The following TANC2 variants were observed in gnomAD, a reference collection of about 807,000 sequenced individuals.
The protein encoded by TANC2 is protein TANC2.
TANC2 carries 26 observed loss-of-function variants against 210.5 expected under a neutral mutation model. The ratio of observed to expected loss-of-function variants is 0.12; its 90% CI spans 0.09 to 0.17. TANC2 has a LOEUF of 0.17. TANC2 is among the 10% of genes least tolerant of loss of function. The pLI is 1.00. For synonymous variants in TANC2, 931 were observed against 967.1 expected (o/e 0.96, Z 0.69); for missense variants, 2,129 against 2,608.9 (o/e 0.82, Z 4.01).
At chr17:63,017,193 C>G (rs73339689) in intron 2 of TANC2, among the ~76,000 whole-genome samples, 3,211 of 152,198 alleles carry the variant, frequency 0.021, 105 homozygotes, top group African/African-American at 0.072. Flanking sequence ...ACTATTCTTT[C>G]TCTACTGAAT....
At chr17:63,078,176 G>A (rs1287306967) in intron 3 of TANC2, among the ~76,000 whole-genome samples, 1 of 152,082 alleles carries the variant, frequency 6.6e-6, no homozygotes, top group Non-Finnish European at 1.5e-5. Context: ...TTTTAAATGT[G>A]AATTCAAGTT....
At chr17:63,102,317 A>C (rs2037655264) in intron 4 of TANC2, among the ~76,000 whole-genome samples, 1 of 151,976 alleles carries the variant, frequency 6.6e-6, no homozygotes, top group African/African-American at 2.4e-5. Flanking sequence ...CTGCCACTAA[A>C]AAAAATAAAA....
intron 5 of TANC2, among the ~76,000 whole-genome samples, chr17:63,162,439 T>C (rs576566084): frequency 4.8e-4 from 73 of 152,254 alleles, no homozygotes; most frequent in African/African-American, 1.7e-3. Context: ...TAGGAGACTA[T>C]GAGACAAGCA....
intron 3 of TANC2, among the ~76,000 whole-genome samples, chr17:63,092,002 G>A (rs1224957638): frequency 6.6e-6 from 1 of 151,750 alleles, no homozygotes; most frequent in Non-Finnish European, 1.5e-5. Context: ...CTCATGATTT[G>A]GCTCTCTGTT....
rs1285444889 is a variant in TANC2, at chr17:63,325,195, G to A, written c.1575+6105G>A. Among the ~76,000 whole-genome samples, 4 of 152,142 alleles carry A rather than the reference G, an allele frequency of 2.6e-5. No homozygotes were observed. In the East Asian group the frequency reaches 5.8e-4, roughly 22 times the overall value. On this transcript the variant is annotated intron_variant, in intron 11 of 27. Coordinates refer to ENST00000689528, the Ensembl canonical transcript of TANC2. ...ACCTCTAATTAAGACAACCAGAAAC[G>A]TCTCCAGAAATTGCCAAATGTTTCC...
At chr17:63,315,875 C>G (rs2045298229) in intron 10 of TANC2, among the ~76,000 whole-genome samples, 1 of 152,160 alleles carries the variant, frequency 6.6e-6, no homozygotes, top group African/African-American at 2.4e-5. Context: ...AATCAAAATA[C>G]CTCTTTACCA....
intron 9 of TANC2, among the ~76,000 whole-genome samples, chr17:63,271,273 A>G (rs1358648237): frequency 3.3e-5 from 5 of 151,934 alleles, no homozygotes; most frequent in Admixed American, 6.6e-5. Flanking sequence ...TGTGGAAAAC[A>G]CTCCCACCAA....
intron 1 of TANC2, among the ~76,000 whole-genome samples, chr17:62,976,717 A>G: frequency 6.6e-6 from 1 of 152,212 alleles, no homozygotes; most frequent in East Asian, 1.9e-4. Flanking sequence ...TGTAATAAAA[A>G]AAATTAATGT....
chr17:63,096,585 C>G (rs1415653393), intron 3 of TANC2, among the ~76,000 whole-genome samples: 1 of 152,162 alleles, frequency 6.6e-6, no homozygotes, highest in African/African-American at 2.4e-5. Context: ...GACCTTCATT[C>G]TTTTTATGGC....
chr17:63,389,478 C>A, exon 17 of TANC2: 1 of 1,613,696 alleles, frequency 6.2e-7, no homozygotes, highest in Non-Finnish European at 8.5e-7. Context: ...GCCTGACTCC[C>A]CTGGGATATG....
At chr17:62,976,084 GAGAA>G (rs2031987246) in intron 1 of TANC2, among the ~76,000 whole-genome samples, 1 of 152,128 alleles carries the variant, frequency 6.6e-6, no homozygotes, top group South Asian at 2.1e-4. Flanking sequence ...TAAAAGCTGA[GAGAA>G]AGAGTTTTTG....
At chr17:63,260,007 T>C (rs1373675674) in intron 8 of TANC2, among the ~76,000 whole-genome samples, 1 of 152,240 alleles carries the variant, frequency 6.6e-6, no homozygotes, top group Admixed American at 6.5e-5. Flanking sequence ...TACATTACTT[T>C]GCATTAGCAA....
chr17:62,986,596 G>T (rs919162406), intron 1 of TANC2, among the ~76,000 whole-genome samples: 3 of 151,908 alleles, frequency 2.0e-5, no homozygotes, highest in African/African-American at 7.3e-5. Context: ...TGCTGGGGGT[G>T]ACCTGTGAGG....
intron 8 of TANC2, among the ~76,000 whole-genome samples, chr17:63,261,784 CTA>C (rs780515869): frequency 3.0e-4 from 45 of 152,182 alleles, no homozygotes; most frequent in Non-Finnish European, 4.1e-4. Context: ...AGCTTCCAAA[CTA>C]TACATGTTTG....
At chr17:63,111,173 G>A (rs774464608) in intron 4 of TANC2, among the ~76,000 whole-genome samples, 2 of 152,022 alleles carry the variant, frequency 1.3e-5, no homozygotes, top group African/African-American at 4.8e-5. Context: ...AAATTAGCTG[G>A]GTGTGGTGGC....
intron 22 of TANC2, 118 bp downstream of exon 22, chr17:63,411,804 C>A: frequency 7.0e-7 from 1 of 1,418,922 alleles, no homozygotes; most frequent in Non-Finnish European, 9.5e-7. Context: ...GCTCTCAGAT[C>A]TATACTTGCT....
At chr17:63,285,656 G>A (rs2044197931) in intron 9 of TANC2, among the ~76,000 whole-genome samples, 9 of 152,130 alleles carry the variant, frequency 5.9e-5, no homozygotes, top group Admixed American at 5.9e-4. Flanking sequence ...AAGCTTCCAA[G>A]TACCCTCCCC....
At chr17:63,407,513 G>C (rs1013234665) in intron 21 of TANC2, among the ~76,000 whole-genome samples, 1 of 152,166 alleles carries the variant, frequency 6.6e-6, no homozygotes, top group African/African-American at 2.4e-5. Context: ...TAGATTCCAG[G>C]TATTTGTTCT....
At chr17:63,165,188 C>T (rs1437119663) in intron 5 of TANC2, among the ~76,000 whole-genome samples, 1 of 151,940 alleles carries the variant, frequency 6.6e-6, no homozygotes, top group Non-Finnish European at 1.5e-5. Context: ...GCAGGAGGAA[C>T]GCTTCAGCCC....
Sources: allele counts gnomAD v4.1 joint callset (sites outside exome capture counted in the v4.1 genomes callset), GRCh38; gene constraint gnomAD v4.1.1; transcripts MANE v1.5; gene names NCBI Gene and HGNC (gene_info 2026-07-23, HGNC 2026-07-21).